GNA12: variants seen among roughly 807,000 people sequenced by gnomAD.
GNA12 encodes the protein G protein subunit alpha 12.
Under a neutral mutation model 26.0 loss-of-function variants are expected in GNA12, and 9 were observed. That is an observed-to-expected ratio of 0.35 (90% CI 0.21 to 0.60). GNA12 has a LOEUF of 0.60. Among genes scored for constraint, GNA12 ranks in the 20% least tolerant of loss-of-function variants. The pLI is 0.78. For missense variants in GNA12, 405 were observed against 525.8 expected, an observed-to-expected ratio of 0.77 and a Z score of 2.25; for synonymous variants, 264 against 219.6, an observed-to-expected ratio of 1.20 and a Z score of -1.79.
rs527857350 is a variant in GNA12 at position 2,772,310 on chromosome 7, C to G, written c.525+22618G>C. Among the ~76,000 whole-genome samples the G allele has an allele frequency of 2.0e-4, 31 of 152,216 alleles. No homozygotes were observed. The South Asian group carries it at 6.0e-3, about 30-fold the overall frequency. The stretch of plus-strand genomic sequence containing the variant: ...GGTGCAGTGGCTCACGCCTGTAATC[C>G]CAGCACTTGGGGAGGCAGAGGCAGG... On this transcript the variant is annotated intron_variant, in intron 2 of 3. Coordinates refer to ENST00000275364, the MANE Select transcript of GNA12 (RefSeq NM_007353.3).
intron 2 of GNA12, among the ~76,000 whole-genome samples, chr7:2,743,866 G>C (rs901088433): frequency 1.3e-5 from 2 of 152,062 alleles, no homozygotes; most frequent in African/African-American, 2.4e-5. Context: ...CGGCACACCA[G>C]ATTACATCCC....
intron 2 of GNA12, among the ~76,000 whole-genome samples, chr7:2,744,520 C>A (rs532273420): frequency 6.6e-6 from 1 of 152,106 alleles, no homozygotes; most frequent in Admixed American, 6.5e-5. Context: ...CCCATCTGTA[C>A]GTCACCATCA....
rs143047160 is a variant in GNA12, at chr7:2,777,262, T to C, written c.525+17666A>G. On this transcript the variant is annotated intron_variant, in intron 2 of 3. Transcript: ENST00000275364. ...GGACTAGTAGCAGAGGGTAACGGAA[T>C]GAATAAATGGGCCATATGATAGAAA... Among the ~76,000 whole-genome samples the C allele has an allele frequency of 3.0e-4, 45 of 152,322 alleles. No homozygotes were observed. The East Asian group carries it at 7.7e-3, about 26-fold the overall frequency.
Position 2,809,574 on chromosome 7 carries a change from G to A in GNA12, c.310-14431C>T, listed in dbSNP as rs192357608. ...TTCCTCCTAAAACTACCTCCTTTTC[G>A]TATGTCAAAGACAAAATTAAAAAGC... On this transcript the variant is annotated intron_variant, in intron 1 of 3. Transcript: ENST00000275364. Among the ~76,000 whole-genome samples, 523 of 151,986 alleles carry A rather than the reference G, an allele frequency of 3.4e-3. 4 individuals are homozygous for A. Among genetic ancestry groups the A allele is most frequent in the Non-Finnish European group, 5.0e-3 (338 of 67,986 alleles).
intron 2 of GNA12, among the ~76,000 whole-genome samples, chr7:2,760,190 T>C (rs552840231): frequency 2.3e-4 from 35 of 151,570 alleles, no homozygotes; most frequent in Non-Finnish European, 4.0e-4. Flanking sequence ...GGGGAAGGAG[T>C]GGAGATTGAA....
intron 1 of GNA12, among the ~76,000 whole-genome samples, chr7:2,797,789 C>T (rs1457929474): frequency 3.3e-5 from 5 of 152,114 alleles, no homozygotes; most frequent in Non-Finnish European, 7.4e-5. Context: ...GTCTGTCTGC[C>T]GTTGGAGACC....
Position 2,773,903 on chromosome 7 carries a change from G to A in GNA12, c.525+21025C>T, listed in dbSNP as rs867143417. ...CAGGAGGGCAGGGAACTAAATTGCG[G>A]GACATTCACAAAATGGAATTACCAT... On this transcript the variant is annotated intron_variant, in intron 2 of 3. Coordinates refer to ENST00000275364, the MANE Select transcript of GNA12 (RefSeq NM_007353.3). Among the ~76,000 whole-genome samples the A allele has an allele frequency of 3.3e-5, 5 of 152,278 alleles. No homozygotes were observed. The Middle Eastern group carries it at 0.01, about 311-fold the overall frequency.
At chr7:2,776,032 G>T (rs1792067598) in intron 2 of GNA12, among the ~76,000 whole-genome samples, 1 of 152,252 alleles carries the variant, frequency 6.6e-6, no homozygotes, top group South Asian at 2.1e-4. Flanking sequence ...TATAGCCCTG[G>T]GGGCTAACAA....
At chr7:2,733,883 G>C (rs2115292063) in intron 2 of GNA12, among the ~76,000 whole-genome samples, 1 of 152,330 alleles carries the variant, frequency 6.6e-6, no homozygotes, top group Non-Finnish European at 1.5e-5. Context: ...TTTGGCTCCT[G>C]GGTACAGTCT....
chr7:2,736,616 G>T (rs1490016009), intron 2 of GNA12, among the ~76,000 whole-genome samples: 1 of 152,218 alleles, frequency 6.6e-6, no homozygotes, highest in Non-Finnish European at 1.5e-5. Context: ...ATGTGATGTC[G>T]TGACACTGGG....
intron 2 of GNA12, among the ~76,000 whole-genome samples, chr7:2,742,928 G>A (rs573556757): frequency 6.6e-6 from 1 of 152,324 alleles, no homozygotes; most frequent in East Asian, 1.9e-4. Context: ...TAATAGACCT[G>A]TAGGTTCTTC....
Position 2,733,480 on chromosome 7 carries a change from G to A in GNA12, c.547C>T (p.Leu183=), listed in dbSNP as rs1397633367. ...TGGCCGATCCGGTCCAAGTTGTCCA[G>A]GAAGTACTTCACCGACTCCCCCTGT... is the stretch of plus-strand genomic sequence containing the variant. ...FQLGESVKYF[L]DNLDRIGQLN... The change falls in exon 3 of 4, where the codon CTG becomes TTG. Residue 183 remains leucine, a synonymous_variant. Coordinates refer to ENST00000275364, the MANE Select transcript of GNA12 (RefSeq NM_007353.3). The A allele has an allele frequency of 6.2e-7, 1 of 1,613,888 alleles. No homozygotes were observed. Among genetic ancestry groups the A allele is most frequent in the Non-Finnish European group, 8.5e-7 (1 of 1,179,854 alleles).
chr7:2,826,511 A>G (rs914542683), intron 1 of GNA12, among the ~76,000 whole-genome samples: 1 of 152,228 alleles, frequency 6.6e-6, no homozygotes, highest in African/African-American at 2.4e-5. Flanking sequence ...AGCTTTATTC[A>G]TAAGTGCCAA....
chr7:2,823,366 A>G (rs1204722901), intron 1 of GNA12, among the ~76,000 whole-genome samples: 1 of 152,224 alleles, frequency 6.6e-6, no homozygotes, highest in Non-Finnish European at 1.5e-5. Context: ...TGACACTCCA[A>G]CTTCAACCGC....
intron 1 of GNA12, among the ~76,000 whole-genome samples, chr7:2,799,735 T>C (rs770909873): frequency 6.6e-6 from 1 of 151,980 alleles, no homozygotes; most frequent in Non-Finnish European, 1.5e-5. Context: ...AGAACATATA[T>C]AGGCAGCAAA....
chr7:2,804,413 A>C (rs989575302), intron 1 of GNA12, among the ~76,000 whole-genome samples: 15 of 152,206 alleles, frequency 9.9e-5, no homozygotes, highest in African/African-American at 3.4e-4. Context: ...ACGCGTGTAC[A>C]TACACCGGGT....
At chr7:2,744,355 G>A (rs962374995) in intron 2 of GNA12, among the ~76,000 whole-genome samples, 2 of 152,166 alleles carry the variant, frequency 1.3e-5, no homozygotes, top group Non-Finnish European at 2.9e-5. Flanking sequence ...AGCATTTGTG[G>A]GTCACCAATA....
At chr7:2,843,373 A>T (rs927596819) in intron 1 of GNA12, among the ~76,000 whole-genome samples, 14 of 151,686 alleles carry the variant, frequency 9.2e-5, no homozygotes, top group African/African-American at 1.5e-4. Flanking sequence ...ACCGGGCGCC[A>T]TGACTCATGC....
chr7:2,841,115 T>A (rs1778977078), intron 1 of GNA12, among the ~76,000 whole-genome samples: 1 of 152,208 alleles, frequency 6.6e-6, no homozygotes, highest in South Asian at 2.1e-4. Context: ...CAGTGGAAGT[T>A]AGTGTTTCTA....
Sources: gnomAD v4.1 joint callset for allele counts (sites outside exome capture counted in the v4.1 genomes callset) on GRCh38, gnomAD v4.1.1 for gene constraint, MANE v1.5 for transcripts, NCBI Gene and HGNC (gene_info 2026-07-23, HGNC 2026-07-21) for gene names.